Variants in CNBD1 observed in about 807,000 individuals in gnomAD.
The protein encoded by CNBD1 is cyclic nucleotide-binding domain-containing protein 1.
CNBD1 carries 71 observed loss-of-function variants against 54.4 expected under a neutral mutation model. The ratio of observed to expected loss-of-function variants is 1.30; its 90% CI spans 1.08 to 1.59. The LOEUF is 1.59. Ranked by LOEUF, CNBD1 falls within the 40% of genes most tolerant of loss-of-function variation. CNBD1 has a pLI of 0.00. For synonymous variants in CNBD1, 182 were observed against 170.7 expected (o/e 1.07, Z -0.51); for missense variants, 659 against 518.0 (o/e 1.27, Z -2.64).
chr8:86,946,258 C>A (rs1414799458), intron 4 of CNBD1, among the ~76,000 whole-genome samples: 1 of 152,090 alleles, frequency 6.6e-6, no homozygotes, highest in African/African-American at 2.4e-5. Context: ...ATTTCTCCTA[C>A]AACTTATGAA....
In CNBD1 at chr8:87,377,822, C is replaced by T. The variant is rs912021976; in HGVS notation, c.1304-4798C>T. On this transcript the variant is annotated intron_variant, in intron 10 of 10. Transcript: ENST00000518476. ...CATCCTCTCCAGCACCTGTTGTTTC[C>T]TGACTTTTTAATGATTGCCATTCTA... Among the ~76,000 whole-genome samples the T allele has an allele frequency of 3.6e-3, 534 of 150,106 alleles. 4 individuals are homozygous for T. The highest frequency in any genetic ancestry group is 0.012 in the African/African-American group (498 of 40,208).
At chr8:87,252,248 G>A (rs1807931046) in intron 6 of CNBD1, among the ~76,000 whole-genome samples, 1 of 152,086 alleles carries the variant, frequency 6.6e-6, no homozygotes, top group South Asian at 2.1e-4. Flanking sequence ...TAAATGAGAA[G>A]CAAAGTGCAC....
At chr8:87,230,115 G>A (rs1563516483) in intron 5 of CNBD1, among the ~76,000 whole-genome samples, 1 of 152,146 alleles carries the variant, frequency 6.6e-6, no homozygotes, top group Non-Finnish European at 1.5e-5. Context: ...AGAGCAGGAG[G>A]AACAGAGAGA....
chr8:87,135,072 T>G (rs994959405), intron 4 of CNBD1, among the ~76,000 whole-genome samples: 3 of 152,164 alleles, frequency 2.0e-5, no homozygotes, highest in African/African-American at 7.2e-5. Context: ...TTTATTCCAG[T>G]ACGTAAATTT....
chr8:87,049,662 T>C (rs532980719), intron 4 of CNBD1, among the ~76,000 whole-genome samples: 1 of 152,206 alleles, frequency 6.6e-6, no homozygotes, highest in Non-Finnish European at 1.5e-5. Context: ...ATGTTCAGGT[T>C]CTCTGGTTTC....
At chr8:87,072,486 T>C (rs1810779003) in intron 4 of CNBD1, among the ~76,000 whole-genome samples, 2 of 152,224 alleles carry the variant, frequency 1.3e-5, no homozygotes, top group Admixed American at 1.3e-4. Flanking sequence ...TTAGGAGCTC[T>C]TGCAAGGCAG....
chr8:87,097,259 T>G (rs1811339615), intron 4 of CNBD1, among the ~76,000 whole-genome samples: 1 of 152,146 alleles, frequency 6.6e-6, no homozygotes, highest in Admixed American at 6.6e-5. Flanking sequence ...AAAACTAATT[T>G]TTGAATTTTC....
intron 4 of CNBD1, among the ~76,000 whole-genome samples, chr8:87,199,148 A>T (rs559921852): frequency 4.6e-5 from 7 of 152,340 alleles, no homozygotes; most frequent in South Asian, 4.1e-4. Context: ...CCTCGCGGGG[A>T]TGACATTTCA....
intron 4 of CNBD1, among the ~76,000 whole-genome samples, chr8:87,191,117 T>A (rs2130785841): frequency 6.6e-6 from 1 of 151,756 alleles, no homozygotes; most frequent in Non-Finnish European, 1.5e-5. Flanking sequence ...AGTGGCTCAG[T>A]CCAAATCTGA....
chr8:87,237,268 C>A, intron 6 of CNBD1, 156 bp downstream of exon 6: 1 of 441,092 alleles, frequency 2.3e-6, no homozygotes, highest in Non-Finnish European at 4.0e-6. Context: ...TTAATACTTA[C>A]ATTTGATTAA....
chr8:87,299,305 C>G (rs1260567214), intron 8 of CNBD1, among the ~76,000 whole-genome samples: 1 of 152,140 alleles, frequency 6.6e-6, no homozygotes, highest in Non-Finnish European at 1.5e-5. Context: ...GGCCATGCTT[C>G]TCTAGTCCCG....
At chr8:87,060,979 G>T (rs529026377) in intron 4 of CNBD1, among the ~76,000 whole-genome samples, 2 of 152,256 alleles carry the variant, frequency 1.3e-5, no homozygotes, top group African/African-American at 4.8e-5. Flanking sequence ...GGGCAACTCA[G>T]GACTGACCCT....
chr8:86,955,904 C>T (rs1363768511), intron 4 of CNBD1, among the ~76,000 whole-genome samples: 4 of 152,102 alleles, frequency 2.6e-5, no homozygotes, highest in Non-Finnish European at 5.9e-5. Flanking sequence ...AAGTCCTTGC[C>T]CATGCCTATA....
intron 10 of CNBD1, among the ~76,000 whole-genome samples, chr8:87,379,991 T>C (rs1235784514): frequency 6.7e-6 from 1 of 149,130 alleles, no homozygotes; most frequent in African/African-American, 2.6e-5. Context: ...ATGACAAAAA[T>C]TTCAGACATC....
At chr8:87,291,004 T>C (rs1442311986) in intron 8 of CNBD1, among the ~76,000 whole-genome samples, 1 of 152,196 alleles carries the variant, frequency 6.6e-6, no homozygotes, top group Non-Finnish European at 1.5e-5. Flanking sequence ...TTATTACTAA[T>C]CTCTCTGTTT....
chr8:87,239,443 A>G (rs1471429277), intron 6 of CNBD1, among the ~76,000 whole-genome samples: 1 of 152,094 alleles, frequency 6.6e-6, no homozygotes, highest in Non-Finnish European at 1.5e-5. Context: ...ATTTGTGTCT[A>G]GGAGAGTTTT....
At chr8:87,428,154 GA>G (rs112391540) in intron 2 of CNBD1, among the ~76,000 whole-genome samples, 4,992 of 138,650 alleles carry the variant, frequency 0.036, 119 homozygotes, top group African/African-American at 0.073. Flanking sequence ...GGCAAAAAAA[GA>G]AAAAAAAAAA....
rs545559853 is a variant in CNBD1 at position 87,133,110 on chromosome 8, A to T, written c.432-72883A>T. Among the ~76,000 whole-genome samples, 14 of 152,062 alleles carry T rather than the reference A, an allele frequency of 9.2e-5. 1 individual carries two copies. In the East Asian group the frequency reaches 2.7e-3, roughly 29 times the overall value. On this transcript the variant is annotated intron_variant, in intron 4 of 10. Coordinates refer to ENST00000518476, the MANE Select transcript of CNBD1 (RefSeq NM_173538.3). ...TAATTTTTATTTGATTGATTTTTAT[A>T]TCTTCCACTTTTCTGCTAAGATTCC...
At chr8:87,392,110 T>G (rs940945604) in intron 2 of CNBD1, among the ~76,000 whole-genome samples, 3 of 152,032 alleles carry the variant, frequency 2.0e-5, no homozygotes, top group Admixed American at 6.6e-5. Flanking sequence ...TGAGATAAGA[T>G]TTCATACCTA....
Sources: gnomAD v4.1 joint callset for allele counts (sites outside exome capture counted in the v4.1 genomes callset) on GRCh38, gnomAD v4.1.1 for gene constraint, MANE v1.5 for transcripts, NCBI Gene and HGNC (gene_info 2026-07-23, HGNC 2026-07-21) for gene names.